GGA3: variants seen among roughly 807,000 people sequenced by gnomAD.
GGA3 encodes ADP-ribosylation factor-binding protein GGA3.
In GGA3, 57 loss-of-function variants were observed where a neutral mutation model predicts 77.5. The observed-to-expected ratio is 0.74, with a 90% CI of 0.59 to 0.92. GGA3 has a LOEUF of 0.92. Among genes scored for constraint, GGA3 ranks in the 40% least tolerant of loss-of-function variants. GGA3 has a pLI of 0.00. For missense variants in GGA3, 970 were observed against 914.9 expected, an observed-to-expected ratio of 1.06 and a Z score of -0.78; for synonymous variants, 416 against 383.7, an observed-to-expected ratio of 1.08 and a Z score of -0.98.
At position 75,240,899 on chromosome 17, in the gene GGA3, G is replaced by C; in HGVS notation, c.1105C>G (p.Arg369Gly). The C allele has an allele frequency of 3.7e-6, 6 of 1,613,764 alleles. No homozygotes were observed. The highest frequency in any genetic ancestry group is 5.1e-6 in the Non-Finnish European group (6 of 1,179,856). Residue 369 changes from arginine to glycine, a missense_variant, in exon 11 of 17, where the codon CGC becomes GGC. Physicochemically the swap from Arg to Gly is moderately radical, Grantham distance 125 (BLOSUM62 -2). Transcript: ENST00000537686. ...GTGGCCTCGGCCTGGCTAGAGGAGC[G>C]GCTCCGTGGAGGTCCTGAGGCCTGG... ...PPQASGPPRSRSSSQAEATLG... is the reference protein window; with the variant it reads ...PPQASGPPRSGSSSQAEATLG...
chr17:75,239,087 T>C lies in GGA3; in HGVS notation c.1781-4A>G. 1 of 1,611,590 alleles carries C rather than the reference T, an allele frequency of 6.2e-7. No homozygotes were observed. The highest frequency in any genetic ancestry group is 8.5e-7 in the Non-Finnish European group (1 of 1,179,382). ...GCTGTCACAGGAAGGGCACTGCCTG[T>C]AAGAACGTGACGTGAGTGTGGGAGG... On this transcript the variant is annotated splice_polypyrimidine_tract_variant and splice_region_variant and intron_variant, in intron 14 of 16. Coordinates refer to ENST00000537686, the MANE Select transcript of GGA3 (RefSeq NM_138619.4).
intron 1 of GGA3, among the ~76,000 whole-genome samples, chr17:75,251,798 G>T (rs2076976440): frequency 1.3e-5 from 2 of 150,804 alleles, no homozygotes; most frequent in Non-Finnish European, 1.5e-5. Context: ...TTGAGACAGG[G>T]TCTCACTCTG....
At chr17:75,252,443 C>T (rs1331998443) in intron 1 of GGA3, among the ~76,000 whole-genome samples, 1 of 152,154 alleles carries the variant, frequency 6.6e-6, no homozygotes, top group African/African-American at 2.4e-5. Flanking sequence ...CCCTATTCCC[C>T]CACCTCTTTT....
chr17:75,240,480 TGAG>T (rs2076507809), intron 11 of GGA3, 68 bp from the exon 12 acceptor site: 4 of 1,006,684 alleles, frequency 4.0e-6, no homozygotes, highest in African/African-American at 1.6e-5. Flanking sequence ...CCGCCTTGCC[TGAG>T]GAGGGGTCAG....
intron 1 of GGA3, among the ~76,000 whole-genome samples, chr17:75,257,265 C>T (rs907185875): frequency 3.7e-5 from 5 of 134,028 alleles, no homozygotes; most frequent in Non-Finnish European, 4.5e-5. Flanking sequence ...GACACCAGAC[C>T]AACTTAGACT....
rs544132418 is a variant in GGA3 at position 75,237,593 on chromosome 17, A to G, written c.*686T>C. 4.5e-3 allele frequency: 6,904 copies of G among 1,534,046 alleles called. 19 individuals are homozygous for G. The highest frequency in any genetic ancestry group is 5.5e-3 in the Non-Finnish European group (6,298 of 1,145,684). ...CTTCCTATCCCTAGTTGGGCCTGTC[A>G]TGAGGCCAAATTCCATGTCCTGCCA... On this transcript the variant is annotated 3_prime_UTR_variant, in exon 17 of 17. Coordinates refer to ENST00000537686, the MANE Select transcript of GGA3 (RefSeq NM_138619.4).
At chr17:75,262,007 G>GT (rs758571862), upstream of GGA3, 7 of 1,452,138 alleles carry the variant, frequency 4.8e-6, no homozygotes, top group Non-Finnish European at 6.3e-6. Flanking sequence ...GAGCAGCGGC[G>GT]GGGGGGCGCT....
At chr17:75,248,088 G>A (rs113121913) in intron 1 of GGA3, among the ~76,000 whole-genome samples, 9,113 of 152,230 alleles carry the variant, frequency 0.06, 724 homozygotes, top group African/African-American at 0.17. Flanking sequence ...GCCCAAAGCA[G>A]GGTGTCAGAG....
At chr17:75,242,543 A>C in intron 7 of GGA3, 70 bp from the exon 8 acceptor site, 1 of 1,570,874 alleles carries the variant, frequency 6.4e-7, no homozygotes, top group Middle Eastern at 1.7e-4. Flanking sequence ...ACCAGGTCAC[A>C]CCTTACCCCA....
intron 1 of GGA3, among the ~76,000 whole-genome samples, chr17:75,252,584 T>C (rs901924846): frequency 3.3e-5 from 5 of 152,152 alleles, no homozygotes; most frequent in Non-Finnish European, 7.4e-5. Flanking sequence ...CTAGAACTTC[T>C]GTTCTAATCC....
At chr17:75,244,224 C>T (rs113185059) in intron 4 of GGA3, among the ~76,000 whole-genome samples, 30 of 152,298 alleles carry the variant, frequency 2.0e-4, no homozygotes, top group African/African-American at 7.0e-4. Flanking sequence ...GCCACACCAG[C>T]GTGCAACAGA....
chr17:75,239,995 A>T lies in GGA3; in HGVS notation c.1377T>A (p.Ala459=). The T allele has an allele frequency of 6.4e-7, 1 of 1,554,934 alleles. No individual in the cohort carries two copies. The highest frequency in any genetic ancestry group is 8.7e-7 in the Non-Finnish European group (1 of 1,149,916). The change falls in exon 13 of 17, where the codon GCT becomes GCA. Residue 459 remains alanine, a synonymous_variant. Transcript: ENST00000537686. ...GAGCTGGGAAGGGAGGCGGCAGTGG[A>T]GCTTGGGAGCTGCTTGAGGAGGGGG... is the stretch of plus-strand genomic sequence containing the variant. ...PSAPSSSSSQ[A]PLPPPFPAPV... is the part of the protein sequence containing the mutation.
upstream of GGA3, chr17:75,261,675 G>C (rs1317053716): frequency 1.5e-6 from 2 of 1,324,786 alleles, no homozygotes; most frequent in Non-Finnish European, 2.0e-6. Context: ...GTCCTGAGAG[G>C]AGTGAGTGCC....
chr17:75,237,288 A>G lies in GGA3; in HGVS notation c.*991T>C. Reference sequence around the variant, plus strand: ...TGGGGAACAGTTGAGGTTTCTGGGCAGCACATTAGGACATATGTCTAGTGT... The same window carrying G: ...TGGGGAACAGTTGAGGTTTCTGGGCGGCACATTAGGACATATGTCTAGTGT... On this transcript the variant is annotated 3_prime_UTR_variant, in exon 17 of 17. Coordinates refer to ENST00000537686, the MANE Select transcript of GGA3 (RefSeq NM_138619.4). The G allele has an allele frequency of 1.6e-6, 1 of 617,246 alleles. No individual in the cohort carries two copies. The highest frequency in any genetic ancestry group is 2.9e-6 in the Non-Finnish European group (1 of 346,368). The allele number at this position is 617,246 out of a possible 1,614,324, so 38.2% of individuals were successfully genotyped here. A position where few individuals can be genotyped will look rare whatever the true frequency, so the allele number is the denominator to read the frequency against.
intron 1 of GGA3, among the ~76,000 whole-genome samples, chr17:75,255,021 T>A (rs961883124): frequency 6.6e-6 from 1 of 152,174 alleles, no homozygotes; most frequent in Non-Finnish European, 1.5e-5. Context: ...CCTTCCCAGA[T>A]CTTCTCGGCT....
chr17:75,260,028 A>G lies in GGA3; in HGVS notation c.40+1520T>C, dbSNP rs555342544. ...GCCAAGCATGGTGGCGTGTGCCTAT[A>G]GTCCCAGCTACTCAGGAGGCTGAGG... On this transcript the variant is annotated intron_variant, in intron 1 of 16. Coordinates refer to ENST00000537686, the MANE Select transcript of GGA3 (RefSeq NM_138619.4). Among the ~76,000 whole-genome samples, 11 of 152,202 alleles carry G rather than the reference A, an allele frequency of 7.2e-5. No individual in the cohort carries two copies. In the South Asian group the frequency reaches 8.3e-4, roughly 11 times the overall value.
rs34548086 is a variant in GGA3, at chr17:75,243,466, G to A, written c.405C>T (p.Tyr135=). The A allele has an allele frequency of 8.0e-4, 1,297 of 1,614,222 alleles. 14 individuals carry two copies. In the African/African-American group the frequency reaches 0.015, roughly 19 times the overall value. ...LPEEAKIKDA[Y]HMLKRQGIVQ... is the part of the protein sequence containing the mutation. The stretch of plus-strand genomic sequence containing the variant: ...ACGTACCCTGTCTCTTCAGCATGTG[G>A]TAGGCGTCTTTGATCTTTGCTTCTT... Residue 135 remains tyrosine (Y), a synonymous_variant, in exon 5 of 17, where the codon TAC becomes TAT. Coordinates refer to ENST00000537686, the MANE Select transcript of GGA3 (RefSeq NM_138619.4).
intron 1 of GGA3, among the ~76,000 whole-genome samples, chr17:75,252,804 C>A (rs989812190): frequency 1.3e-5 from 2 of 152,192 alleles, no homozygotes; most frequent in African/African-American, 4.8e-5. Flanking sequence ...TAATCTCCCC[C>A]ACCCTTAAGA....
Position 75,239,325 on chromosome 17 carries a change from C to T in GGA3, c.1780+50G>A, listed in dbSNP as rs116026043. 1,280 of 1,428,234 alleles carry T rather than the reference C, an allele frequency of 9.0e-4. 14 individuals are homozygous for T. The African/African-American group carries it at 0.016, about 17-fold the overall frequency. 88.5% of individuals were successfully genotyped at this position (1,428,234 alleles called of 1,614,324 possible). ...ATCCCTGTCGCATGTCCTACAGCTC[C>T]GTGGCTATAGGCCCCACCGCCCCAC... On this transcript the variant is annotated intron_variant, in intron 14 of 16. Transcript: ENST00000537686.
Sources: gnomAD v4.1 joint callset for allele counts (sites outside exome capture counted in the v4.1 genomes callset) on GRCh38, gnomAD v4.1.1 for gene constraint, MANE v1.5 for transcripts, NCBI Gene and HGNC (gene_info 2026-07-23, HGNC 2026-07-21) for gene names.